GREB1: variants seen among roughly 807,000 people sequenced by gnomAD.
The protein encoded by GREB1 is growth regulating estrogen receptor binding 1.
A neutral mutation model predicts 200.7 loss-of-function variants in GREB1; 106 were observed. That is an observed-to-expected ratio of 0.53 (90% confidence interval 0.45 to 0.62). The LOEUF (loss-of-function observed/expected upper bound fraction) is 0.62. Ranked by LOEUF, GREB1 falls within the 20% of genes least tolerant of loss-of-function variation. GREB1 has a pLI of 0.00. For missense variants in GREB1, 2,243 were observed against 2,556.8 expected (o/e 0.88, Z 2.65); for synonymous variants, 1,132 against 1,092.4 (o/e 1.04, Z -0.72).
chr2:11,630,224 A>C, intron 26 of GREB1, 115 bp downstream of exon 26: 1 of 991,534 alleles, frequency 1.0e-6, no homozygotes, highest in Non-Finnish European at 1.5e-6. Context: ...CAGGGACTGA[A>C]CTTGGAGGAG....
chr2:11,484,569 C>T (rs1464640020), intron 1 of GREB1, among the ~76,000 whole-genome samples: 1 of 123,900 alleles, frequency 8.1e-6, no homozygotes, highest in Non-Finnish European at 1.6e-5. Context: ...GGCAACATAG[C>T]GAGACTCTCA....
intron 1 of GREB1, among the ~76,000 whole-genome samples, chr2:11,543,552 A>G (rs2148535457): frequency 6.6e-6 from 1 of 152,344 alleles, no homozygotes; most frequent in Non-Finnish European, 1.5e-5. Flanking sequence ...CAGCATAACC[A>G]TGAATCAAGC....
At chr2:11,557,969 T>C (rs1230343358) in intron 2 of GREB1, among the ~76,000 whole-genome samples, 1 of 152,232 alleles carries the variant, frequency 6.6e-6, no homozygotes, top group Non-Finnish European at 1.5e-5. Context: ...ATGAATTACC[T>C]GGTCATCCTC....
At chr2:11,632,803 GC>G in intron 27 of GREB1, 85 bp from the exon 28 acceptor site, 1 of 1,192,590 alleles carries the variant, frequency 8.4e-7, no homozygotes, top group Non-Finnish European at 1.2e-6. Context: ...TGTCTGGGCG[GC>G]CCCGACAGCA....
chr2:11,590,385 C>T (rs572076966), intron 10 of GREB1, among the ~76,000 whole-genome samples: 40 of 152,250 alleles, frequency 2.6e-4, no homozygotes, highest in Middle Eastern at 3.4e-3. Context: ...CACCCCTTCC[C>T]GGGGGCCCAG....
At chr2:11,515,291 T>C (rs1478953071) in intron 1 of GREB1, among the ~76,000 whole-genome samples, 1 of 152,194 alleles carries the variant, frequency 6.6e-6, no homozygotes, top group Non-Finnish European at 1.5e-5. Context: ...AGAGATTGAA[T>C]TGGATAGAGA....
intron 3 of GREB1, among the ~76,000 whole-genome samples, chr2:11,566,205 T>TG (rs1012459604): frequency 5.9e-5 from 9 of 152,054 alleles, no homozygotes; most frequent in African/African-American, 2.2e-4. Context: ...TTTTAGTAGA[T>TG]GGGGTTTCAC....
intron 25 of GREB1, among the ~76,000 whole-genome samples, chr2:11,627,399 C>CACCAGGTGCTTATTCTGT (rs1273041188): frequency 2.0e-5 from 3 of 152,226 alleles, no homozygotes; most frequent in African/African-American, 7.2e-5. Context: ...AACAGATGCT[C>CACCAGGTGCTTATTCTGT]ACCAGGTGCT....
chr2:11,607,464 A>G (rs550543390), intron 17 of GREB1, among the ~76,000 whole-genome samples: 6,003 of 125,818 alleles, frequency 0.048, 150 homozygotes, highest in Middle Eastern at 0.14. Flanking sequence ...GTGTGTGTAT[A>G]TATATATACA....
intron 29 of GREB1, among the ~76,000 whole-genome samples, chr2:11,634,906 C>T (rs10178511): frequency 0.15 from 22,386 of 152,202 alleles, 1,990 homozygotes; most frequent in African/African-American, 0.25. Context: ...AAGCAGCTCA[C>T]GTTTTTACCC....
intron 1 of GREB1, among the ~76,000 whole-genome samples, chr2:11,524,607 A>G (rs1467193020): frequency 6.6e-6 from 1 of 152,204 alleles, no homozygotes; most frequent in African/African-American, 2.4e-5. Flanking sequence ...AAAGGTCATC[A>G]TGACCTTATT....
At position 11,602,419 on chromosome 2, in the gene GREB1, A is replaced by G; in HGVS notation, c.2543A>G (p.Tyr848Cys). 1.2e-6 allele frequency: 2 copies of G among 1,613,318 alleles called. No individual in the cohort carries two copies. Among genetic ancestry groups the G allele is most frequent in the Non-Finnish European group, 1.7e-6 (2 of 1,179,242 alleles). ...TCTTTGTTTTAGGGAGTGGACTTAT[A>G]TCATGAAAATAAGAAGTACTTCGGG... ...PASCSNGVDL[Y>C]HENKKYFGLS... is the part of the protein sequence containing the mutation. Residue 848 changes from tyrosine to cysteine, a missense_variant, in exon 17 of 33, where the codon TAT becomes TGT. Transcript: ENST00000381486.
At chr2:11,543,047 C>CT (rs1189640303) in intron 1 of GREB1, among the ~76,000 whole-genome samples, 2 of 152,122 alleles carry the variant, frequency 1.3e-5, no homozygotes, top group African/African-American at 4.8e-5. Flanking sequence ...TCTACTGTCT[C>CT]TTTTTAGGGG....
intron 1 of GREB1, among the ~76,000 whole-genome samples, chr2:11,525,728 G>A (rs183674585): frequency 1.1e-3 from 174 of 152,212 alleles, no homozygotes; most frequent in Non-Finnish European, 2.0e-3. Flanking sequence ...GACCAGCCTG[G>A]CAGGATGGAG....
intron 1 of GREB1, among the ~76,000 whole-genome samples, chr2:11,487,996 C>T (rs1349210753): frequency 3.9e-5 from 6 of 152,124 alleles, no homozygotes; most frequent in Admixed American, 1.3e-4. Flanking sequence ...GTTCGCCTCT[C>T]GGGGCTCAGG....
At chr2:11,542,605 G>A (rs1182412875) in intron 1 of GREB1, 12 of 114,962 alleles carry the variant, frequency 1.0e-4, no homozygotes, top group African/African-American at 3.7e-4. Context: ...CAGTGAGGGT[G>A]CAGTATGAGC....
intron 1 of GREB1, among the ~76,000 whole-genome samples, chr2:11,511,534 T>C (rs1572569371): frequency 6.6e-6 from 1 of 152,030 alleles, no homozygotes; most frequent in African/African-American, 2.4e-5. Context: ...GTGGAGAAGG[T>C]AACAGGAACT....
chr2:11,587,686 T>C, intron 9 of GREB1: 1 of 1,140,308 alleles, frequency 8.8e-7, no homozygotes, highest in Non-Finnish European at 1.1e-6. Context: ...GTACCTGGAG[T>C]ACAAGATAAC....
At chr2:11,628,440 G>A (rs1164755350) in intron 25 of GREB1, among the ~76,000 whole-genome samples, 2 of 152,084 alleles carry the variant, frequency 1.3e-5, no homozygotes, top group African/African-American at 4.8e-5. Flanking sequence ...TTTTACAGAG[G>A]GAAACAGCAC....
Sources: allele counts gnomAD v4.1 joint callset (sites outside exome capture counted in the v4.1 genomes callset), GRCh38; gene constraint gnomAD v4.1.1; transcripts MANE v1.5; gene names NCBI Gene and HGNC (gene_info 2026-07-23, HGNC 2026-07-21).